ZBED4: variants seen among roughly 807,000 people sequenced by gnomAD.
The protein encoded by ZBED4 is zinc finger BED-type containing 4.
A neutral mutation model predicts 15.5 loss-of-function variants in ZBED4; 4 were observed. That is an observed-to-expected ratio of 0.26 (90% CI 0.13 to 0.59). ZBED4 has a LOEUF of 0.59. Ranked by LOEUF, ZBED4 falls within the 20% of genes least tolerant of loss-of-function variation. The pLI, the probability that ZBED4 is intolerant of heterozygous loss-of-function variation, is 0.90. For synonymous variants in ZBED4, 692 were observed against 608.5 expected, an observed-to-expected ratio of 1.14 and a Z score of -2.02; for missense variants, 1,323 against 1,461.8, an observed-to-expected ratio of 0.91 and a Z score of 1.55.
chr22:49,885,228 C>G lies in ZBED4; in HGVS notation c.1566C>G (p.Asn522Lys). 1 of 1,612,796 alleles carries G rather than the reference C, an allele frequency of 6.2e-7. No homozygotes were observed. The highest frequency in any genetic ancestry group is 8.5e-7 in the Non-Finnish European group (1 of 1,179,272). ...GCTTCCTGGGTGCAAGTCTGGCAAA[C>G]TCTCCGTATGCCACTTTGGCCTCTG... Reference protein sequence around the residue: ...QKGFLGASLANSPYATLASAE... With the variant: ...QKGFLGASLAKSPYATLASAE... Residue 522 changes from asparagine to lysine, a missense_variant, in exon 2 of 2, where the codon AAC becomes AAG. This residue lies in a region of ZBED4 where 429 missense variants were observed against 397.9 expected (regional missense o/e 1.08). Transcript: ENST00000216268.
At chr22:49,854,232 G>A (rs2060265188) in intron 1 of ZBED4, among the ~76,000 whole-genome samples, 2 of 148,514 alleles carry the variant, frequency 1.3e-5, no homozygotes. Flanking sequence ...GCGGCCGAGT[G>A]CCGGGGGTCG....
At chr22:49,882,954 G>A (rs1402981436) in intron 1 of ZBED4, among the ~76,000 whole-genome samples, 2 of 152,208 alleles carry the variant, frequency 1.3e-5, no homozygotes, top group Non-Finnish European at 2.9e-5. Flanking sequence ...TAGCAAGGAA[G>A]GATGAATAGA....
intron 1 of ZBED4, among the ~76,000 whole-genome samples, chr22:49,857,950 G>A (rs1364662561): frequency 6.6e-6 from 1 of 152,100 alleles, no homozygotes; most frequent in African/African-American, 2.4e-5. Flanking sequence ...TTTTAGTAGA[G>A]ACGGGGTTTC....
chr22:49,874,538 A>T (rs1198421316), intron 1 of ZBED4, among the ~76,000 whole-genome samples: 1 of 151,072 alleles, frequency 6.6e-6, no homozygotes, highest in African/African-American at 2.4e-5. Flanking sequence ...GGGGCCCACC[A>T]CCATTTTTGT....
At chr22:49,869,327 A>C (rs1253622940) in intron 1 of ZBED4, among the ~76,000 whole-genome samples, 3 of 152,186 alleles carry the variant, frequency 2.0e-5, no homozygotes. Flanking sequence ...CAGTGAGTGC[A>C]CGGCTGCCTA....
chr22:49,877,255 TTTA>T (rs1474269576), intron 1 of ZBED4, among the ~76,000 whole-genome samples: 3 of 138,778 alleles, frequency 2.2e-5, no homozygotes, highest in South Asian at 4.7e-4. Flanking sequence ...AAAAAACAGC[TTTA>T]TTATTTATTT....
chr22:49,865,988 G>A (rs573013038), intron 1 of ZBED4, among the ~76,000 whole-genome samples: 20 of 151,734 alleles, frequency 1.3e-4, no homozygotes, highest in South Asian at 4.2e-4. Flanking sequence ...GATTATACGC[G>A]TGGGCCACTG....
chr22:49,857,509 C>T (rs767018736), intron 1 of ZBED4, among the ~76,000 whole-genome samples: 10 of 152,240 alleles, frequency 6.6e-5, no homozygotes, highest in African/African-American at 1.4e-4. Flanking sequence ...TTCCTGAGCA[C>T]GTCTGACAGA....
intron 1 of ZBED4, among the ~76,000 whole-genome samples, chr22:49,861,054 G>A (rs2060295153): frequency 6.6e-6 from 1 of 151,684 alleles, no homozygotes; most frequent in African/African-American, 2.4e-5. Context: ...GGGATAATGG[G>A]CATGAGCCAC....
intron 1 of ZBED4, among the ~76,000 whole-genome samples, chr22:49,877,728 A>G (rs1160669160): frequency 3.9e-5 from 6 of 152,158 alleles, no homozygotes; most frequent in Admixed American, 3.3e-4. Flanking sequence ...GAATCTTCAT[A>G]TGGACATGCT....
intron 1 of ZBED4, among the ~76,000 whole-genome samples, chr22:49,870,635 A>G (rs1037859317): frequency 2.6e-5 from 4 of 152,040 alleles, no homozygotes; most frequent in Admixed American, 2.0e-4. Context: ...TTCGAGAAGT[A>G]TCTGTTCATG....
chr22:49,873,681 C>G (rs542654554), intron 1 of ZBED4, among the ~76,000 whole-genome samples: 1 of 141,336 alleles, frequency 7.1e-6, no homozygotes, highest in East Asian at 1.9e-4. Flanking sequence ...AAGCGAGGTG[C>G]GGTGATATGA....
intron 1 of ZBED4, among the ~76,000 whole-genome samples, chr22:49,872,110 C>G (rs1405377887): frequency 7.9e-5 from 12 of 152,184 alleles, no homozygotes. Context: ...AAGAGTTCTC[C>G]ATAGTGTACA....
rs769106960 is a variant in ZBED4 at position 49,885,394 on chromosome 22, G to A, written c.1732G>A (p.Val578Met). The A allele has an allele frequency of 8.1e-6, 13 of 1,598,220 alleles. No homozygotes were observed. The highest frequency in any genetic ancestry group is 1.7e-4 in the Middle Eastern group (1 of 6,010). The change falls in exon 2 of 2, where the codon GTG becomes ATG. Residue 578 changes from valine to methionine, a missense_variant. This residue lies in a region of ZBED4 where 429 missense variants were observed against 397.9 expected (regional missense o/e 1.08). Transcript: ENST00000216268. ...TTGCTCCGCAGACTCCACAAAAGTC[G>A]TGTGCTTGCACTGTGGCCGGACCAT... ...SICSADSTKV[V>M]CLHCGRTISR...
At chr22:49,869,065 G>A (rs2147517022) in intron 1 of ZBED4, among the ~76,000 whole-genome samples, 1 of 151,446 alleles carries the variant, frequency 6.6e-6, no homozygotes, top group South Asian at 2.1e-4. Flanking sequence ...CGGAGGTTGG[G>A]TGAGTCGAGA....
chr22:49,862,237 G>A (rs964118266), intron 1 of ZBED4, among the ~76,000 whole-genome samples: 11 of 152,242 alleles, frequency 7.2e-5, no homozygotes, highest in Non-Finnish European at 1.3e-4. Flanking sequence ...CGGCCCCAAC[G>A]CTTCTGCCGC....
chr22:49,883,645 G>C lies in ZBED4; in HGVS notation c.-18G>C. Reference sequence around the variant, plus strand: ...GTTTTATGAACCTAAGATACAGCCGGAGTAGTTATGGTCAGTCATGGAGAA... The same window carrying C: ...GTTTTATGAACCTAAGATACAGCCGCAGTAGTTATGGTCAGTCATGGAGAA... On this transcript the variant is annotated 5_prime_UTR_variant, in exon 2 of 2. Transcript: ENST00000216268. 1 of 1,533,628 alleles carries C rather than the reference G, an allele frequency of 6.5e-7. No individual in the cohort carries two copies. The highest frequency in any genetic ancestry group is 2.3e-5 in the East Asian group (1 of 43,996).
chr22:49,864,781 C>T (rs1234989531), intron 1 of ZBED4, among the ~76,000 whole-genome samples: 2 of 145,228 alleles, frequency 1.4e-5, no homozygotes, highest in Non-Finnish European at 3.0e-5. Flanking sequence ...AGATTGTGTA[C>T]TGCACTCCAG....
In ZBED4 at chr22:49,889,879, C is replaced by G. The variant is rs1431668724; in HGVS notation, c.*2701C>G. ...CCCCAGCTGCGAGCTGTTTGTTTCCCTGCCTGGAAATGATGTTTTAGGCAG... is the reference window on the plus strand; with the variant it reads ...CCCCAGCTGCGAGCTGTTTGTTTCCGTGCCTGGAAATGATGTTTTAGGCAG... On this transcript the variant is annotated 3_prime_UTR_variant, in exon 2 of 2. Coordinates refer to ENST00000216268, the MANE Select transcript of ZBED4 (RefSeq NM_014838.3). 1.8e-5 allele frequency: 3 copies of G among 167,070 alleles called. No individual in the cohort carries two copies. 10.3% of individuals were successfully genotyped at this position (167,070 alleles called of 1,614,324 possible).
Sources: gnomAD v4.1 joint callset for allele counts (sites outside exome capture counted in the v4.1 genomes callset) on GRCh38, gnomAD v4.1.1 for gene constraint, gnomAD v4.1.1 regional missense constraint, MANE v1.5 for transcripts, NCBI Gene and HGNC (gene_info 2026-07-23, HGNC 2026-07-21) for gene names.